Variants in TARBP1 observed in about 807,000 individuals in gnomAD.
TARBP1 encodes the protein tRNA (guanosine(18)-2'-O)-methyltransferase TARBP1.
Under a neutral mutation model 178.6 loss-of-function variants are expected in TARBP1, and 144 were observed. The observed-to-expected ratio is 0.81, with a 90% CI of 0.70 to 0.93. The LOEUF is 0.93. Among genes scored for constraint, TARBP1 ranks in the 40% least tolerant of loss-of-function variants. The pLI, the probability that TARBP1 is intolerant of heterozygous loss-of-function variation, is 0.00. For synonymous variants in TARBP1, 787 were observed against 781.0 expected (o/e 1.01, Z -0.13); for missense variants, 2,067 against 2,011.7 (o/e 1.03, Z -0.53).
chr1:234,452,830 GATAA>G (rs1206634727), intron 9 of TARBP1, among the ~76,000 whole-genome samples: 2 of 151,730 alleles, frequency 1.3e-5, no homozygotes, highest in African/African-American at 2.4e-5. Flanking sequence ...TAGGTGAATG[GATAA>G]ATAAACTGTG....
At chr1:234,393,127 C>G (rs562019201) in intron 28 of TARBP1, among the ~76,000 whole-genome samples, 69 of 151,864 alleles carry the variant, frequency 4.5e-4, no homozygotes, top group Admixed American at 8.5e-4. Context: ...AAACTGTGAC[C>G]TATAAAAAAA....
Position 234,427,651 on chromosome 1 carries a change from A to G in TARBP1, c.3176T>C (p.Leu1059Ser). 2 of 1,597,418 alleles carry G rather than the reference A, an allele frequency of 1.3e-6. No homozygotes were observed. Among genetic ancestry groups the G allele is most frequent in the Non-Finnish European group, 8.5e-7 (1 of 1,175,300 alleles). ...VSASNVSQGSLSSAKNYSELI... is the reference protein window; with the variant it reads ...VSASNVSQGSSSSAKNYSELI... ...TTCGCTATAATTTTTAGCACTTGAT[A>G]AAGATCCTTGGGACACATTTGAAGC... Residue 1059 changes from leucine to serine, a missense_variant, in exon 18 of 30, where the codon TTA (leucine) becomes TCA (serine). Coordinates refer to ENST00000040877, the MANE Select transcript of TARBP1 (RefSeq NM_005646.4).
rs570834869 is a variant in TARBP1 at position 234,394,729 on chromosome 1, T to C, written c.4244-892A>G. On this transcript the variant is annotated intron_variant, in intron 26 of 29. Transcript: ENST00000040877. Reference sequence around the variant, plus strand: ...TCAGACAGCAGCAAGTACCTTGGTTTAGTGCACAGCCTGCAATGGAGTGGA... The same window carrying C: ...TCAGACAGCAGCAAGTACCTTGGTTCAGTGCACAGCCTGCAATGGAGTGGA... 2.0e-5 allele frequency among the ~76,000 whole-genome samples: 3 copies of C among 152,332 alleles called. No homozygotes were observed. In the South Asian group the frequency reaches 6.2e-4, roughly 32 times the overall value.
chr1:234,393,494 G>GA lies in TARBP1; in HGVS notation c.4436-9dup, dbSNP rs777401764. On this transcript the variant is annotated splice_polypyrimidine_tract_variant and intron_variant, in intron 27 of 29. Coordinates refer to ENST00000040877, the MANE Select transcript of TARBP1 (RefSeq NM_005646.4). ...CACAGGTCCTGCACAGTCCTGCACA[G>GA]AACACCTGGGATCATTAAGATTGTT... The GA allele has an allele frequency of 5.1e-6, 8 of 1,577,272 alleles. No individual in the cohort carries two copies. The South Asian group carries it at 9.2e-5, about 18-fold the overall frequency.
At position 234,450,489 on chromosome 1, in the gene TARBP1, T is replaced by A. The variant is rs1459395071; in HGVS notation, c.1800A>T (p.Thr600=). 1.2e-6 allele frequency: 2 copies of A among 1,611,726 alleles called. No homozygotes were observed. The highest frequency in any genetic ancestry group is 1.7e-6 in the Non-Finnish European group (2 of 1,179,140). The change falls in exon 10 of 30, where the codon ACA becomes ACT. Residue 600 remains threonine (T), a synonymous_variant. Coordinates refer to ENST00000040877, the MANE Select transcript of TARBP1 (RefSeq NM_005646.4). ...TGCTCTTTACATAAGCATTTAAAGA[T>A]GTCTTGTGAAGTCCAATGGAGCTAC... ...PTCSSIGLHK[T]SLNAYVKSIV...
chr1:234,427,681 A>G lies in TARBP1; in HGVS notation c.3146T>C (p.Val1049Ala), dbSNP rs1234459618. Residue 1049 changes from valine to alanine, a missense_variant, in exon 18 of 30, where the codon GTG becomes GCG. Val to Ala is a moderately conservative substitution (Grantham distance 64, BLOSUM62 0). Transcript: ENST00000040877. The stretch of plus-strand genomic sequence containing the variant: ...TCCTTGGGACACATTTGAAGCAGAC[A>G]CTATCCAAGACTGACAGCAGTAACT... ...LISYCCQSWI[V>A]SASNVSQGSL... is the part of the protein sequence containing the mutation. 6.4e-6 allele frequency: 10 copies of G among 1,564,216 alleles called. No individual in the cohort carries two copies. The South Asian group carries it at 9.8e-5, about 15-fold the overall frequency.
intron 23 of TARBP1, among the ~76,000 whole-genome samples, chr1:234,409,625 T>C (rs1029590370): frequency 6.6e-6 from 1 of 152,178 alleles, no homozygotes; most frequent in African/African-American, 2.4e-5. Flanking sequence ...GAGGAAAATG[T>C]GGTGTGGAGA....
rs4027042 is a variant in TARBP1 at position 234,429,332 on chromosome 1, G to GAAAA, written c.2872-12_2872-9dup. 2 of 1,294,344 alleles carry GAAAA rather than the reference G, an allele frequency of 1.5e-6. No individual in the cohort carries two copies. Among genetic ancestry groups the GAAAA allele is most frequent in the African/African-American group, 3.0e-5 (2 of 65,872 alleles). The allele number at this position is 1,294,344 out of a possible 1,614,324, so 80.2% of individuals were successfully genotyped here. On this transcript the variant is annotated splice_polypyrimidine_tract_variant and intron_variant, in intron 16 of 29. Coordinates refer to ENST00000040877, the MANE Select transcript of TARBP1 (RefSeq NM_005646.4). Reference sequence around the variant, plus strand: ...TTCAGAGGAAGTCAGAAGCTGGTAGGAAAAAAAAAAATACATACTTATTTC... The same window carrying GAAAA: ...TTCAGAGGAAGTCAGAAGCTGGTAGGAAAAAAAAAAAAAAATACATACTTATTTC...
At chr1:234,434,551 C>T (rs760791534) in intron 13 of TARBP1, among the ~76,000 whole-genome samples, 2 of 152,106 alleles carry the variant, frequency 1.3e-5, no homozygotes, top group African/African-American at 2.4e-5. Context: ...ACATTCACTG[C>T]GACAGTAACC....
chr1:234,405,596 C>T, intron 24 of TARBP1: 1 of 291,044 alleles, frequency 3.4e-6, no homozygotes, highest in Non-Finnish European at 6.4e-6. Flanking sequence ...AAGCAGTTCT[C>T]AAACAACAAA....
At chr1:234,409,834 A>G (rs1165181981) in intron 23 of TARBP1, among the ~76,000 whole-genome samples, 2 of 152,234 alleles carry the variant, frequency 1.3e-5, no homozygotes, top group East Asian at 3.8e-4. Flanking sequence ...ATGCAATAAT[A>G]TAGAATCTTA....
chr1:234,471,446 T>C (rs1387239429), intron 2 of TARBP1, among the ~76,000 whole-genome samples, 189 bp from the exon 3 acceptor site: 2 of 152,242 alleles, frequency 1.3e-5, no homozygotes, highest in African/African-American at 4.8e-5. Flanking sequence ...GCAAAGCTAA[T>C]GAATATAACC....
rs766485621 is a variant in TARBP1, at chr1:234,451,748, C to CAAA, written c.1723-1185_1723-1183dup. Among the ~76,000 whole-genome samples, 3 of 6,620 alleles carry CAAA rather than the reference C, an allele frequency of 4.5e-4. 1 individual carries two copies. Among genetic ancestry groups the CAAA allele is most frequent in the Non-Finnish European group, 6.6e-4 (3 of 4,516 alleles). The allele number at this position is 6,620 out of a possible 152,430, so 4.3% of individuals were successfully genotyped here. On this transcript the variant is annotated intron_variant, in intron 9 of 29. Coordinates refer to ENST00000040877, the MANE Select transcript of TARBP1 (RefSeq NM_005646.4). ...TGGGCGACAGAGCGAGACTCCGTCT[C>CAAA]AAAAAAAAAAAAAAAAAATGATGAA...
chr1:234,410,475 T>G lies in TARBP1; in HGVS notation c.3762A>C (p.Leu1254Phe), dbSNP rs761140017. The G allele has an allele frequency of 5.9e-6, 9 of 1,519,944 alleles. No individual in the cohort carries two copies. Among genetic ancestry groups the G allele is most frequent in the Non-Finnish European group, 8.1e-6 (9 of 1,108,424 alleles). The allele number at this position is 1,519,944 out of a possible 1,614,324, so 94.2% of individuals were successfully genotyped here. A position where few individuals can be genotyped will look rare whatever the true frequency, so the allele number is the denominator to read the frequency against. The change falls in exon 23 of 30, where the codon TTA (leucine) becomes TTC (phenylalanine). Residue 1254 changes from leucine to phenylalanine, a missense_variant. Coordinates refer to ENST00000040877, the MANE Select transcript of TARBP1 (RefSeq NM_005646.4). Reference sequence around the variant, plus strand: ...CTGGAATATTTTGAGTAATAATGTCTAAATGTGATAAAACTGCTAAAAACG... The same window carrying G: ...CTGGAATATTTTGAGTAATAATGTCGAAATGTGATAAAACTGCTAAAAACG... ...ICTFLAVLSHLDIITQNIPEK... is the reference protein window; with the variant it reads ...ICTFLAVLSHFDIITQNIPEK...
chr1:234,394,871 C>A (rs555270368), intron 26 of TARBP1, among the ~76,000 whole-genome samples: 1 of 151,560 alleles, frequency 6.6e-6, no homozygotes, highest in African/African-American at 2.4e-5. Flanking sequence ...GGGAGGATCA[C>A]CTGAGGTCAG....
chr1:234,468,353 G>T (rs1479903835), intron 3 of TARBP1, among the ~76,000 whole-genome samples: 2 of 152,066 alleles, frequency 1.3e-5, no homozygotes, highest in East Asian at 3.9e-4. Context: ...ACTGGTGGGG[G>T]AGGGACTGAG....
intron 3 of TARBP1, among the ~76,000 whole-genome samples, chr1:234,470,480 C>T (rs1668925743): frequency 1.3e-5 from 2 of 152,058 alleles, no homozygotes; most frequent in South Asian, 2.1e-4. Context: ...GTGAGACGAT[C>T]GTTATTAAAG....
Position 234,459,247 on chromosome 1 carries a change from T to C in TARBP1, c.1615A>G (p.Met539Val), listed in dbSNP as rs1667599098. 6.2e-7 allele frequency: 1 copy of C among 1,611,812 alleles called. No individual in the cohort carries two copies. The highest frequency in any genetic ancestry group is 2.2e-5 in the East Asian group (1 of 44,816). Residue 539 changes from methionine (M) to valine (V), a missense_variant, in exon 8 of 30, where the codon ATG becomes GTG. By Grantham distance (21) the Met-to-Val change is conservative (BLOSUM62 1). Coordinates refer to ENST00000040877, the MANE Select transcript of TARBP1 (RefSeq NM_005646.4). Reference sequence around the variant, plus strand: ...AAACTTACCACATCTAGCAAATTCATAGCTGTTTGAAGAAGGTAGCATTGG... The same window carrying C: ...AAACTTACCACATCTAGCAAATTCACAGCTGTTTGAAGAAGGTAGCATTGG... ...AAQCYLLQTA[M>V]NLLDVEKVSL...
At chr1:234,401,132 C>G in intron 25 of TARBP1, 49 bp downstream of exon 25, 1 of 1,470,830 alleles carries the variant, frequency 6.8e-7, no homozygotes, top group Non-Finnish European at 9.4e-7. Context: ...AAGGAAGCAT[C>G]AGGATTAAAG....
Sources: gnomAD v4.1 joint callset for allele counts (sites outside exome capture counted in the v4.1 genomes callset) on GRCh38, gnomAD v4.1.1 for gene constraint, MANE v1.5 for transcripts, NCBI Gene and HGNC (gene_info 2026-07-23, HGNC 2026-07-21) for gene names.